The following CCDC117 variants were observed in gnomAD, a reference collection of about 807,000 sequenced individuals.
CCDC117 encodes coiled-coil domain-containing protein 117.
CCDC117 carries 1 observed loss-of-function variant against 23.5 expected under a neutral mutation model. That is an observed-to-expected ratio of 0.04 (90% CI 0.02 to 0.20). The LOEUF is 0.20. Ranked by LOEUF, CCDC117 falls within the 10% of genes least tolerant of loss-of-function variation. The probability of loss-of-function intolerance (pLI) is 1.00; values close to 1 mark genes in which losing one functional copy is unlikely to be tolerated. For missense variants in CCDC117, 383 were observed against 348.2 expected (o/e 1.10, Z -0.80); for synonymous variants, 132 against 124.8 (o/e 1.06, Z -0.39).
chr22:28,779,392 G>T (rs190169358), intron 2 of CCDC117, among the ~76,000 whole-genome samples: 2 of 151,474 alleles, frequency 1.3e-5, no homozygotes, highest in African/African-American at 4.8e-5. Flanking sequence ...TTTTAGTGGA[G>T]ACGGGGTTTC....
Position 28,788,119 on chromosome 22 carries a change from C to CA in CCDC117, c.*1796dup, listed in dbSNP as rs2146258774. ...CTATACAGTAAAATTATTCAAACTTCAAACCAGTATTGAAAGCAGTTGGAA... is the reference window on the plus strand; with the variant it reads ...CTATACAGTAAAATTATTCAAACTTCAAAACCAGTATTGAAAGCAGTTGGAA... On this transcript the variant is annotated 3_prime_UTR_variant, in exon 5 of 5. Coordinates refer to ENST00000249064, the MANE Select transcript of CCDC117 (RefSeq NM_173510.4). 1 of 152,740 alleles carries CA rather than the reference C, an allele frequency of 6.5e-6. No homozygotes were observed. Among genetic ancestry groups the CA allele is most frequent in the African/African-American group, 2.4e-5 (1 of 41,570 alleles). The allele number at this position is 152,740 out of a possible 1,614,324, so 9.5% of individuals were successfully genotyped here.
chr22:28,782,666 G>A (rs1036116100), intron 3 of CCDC117, among the ~76,000 whole-genome samples: 11 of 151,842 alleles, frequency 7.2e-5, no homozygotes, highest in Non-Finnish European at 1.0e-4. Context: ...CTCGAACTCC[G>A]GACCTTGTGG....
chr22:28,774,021 G>A (rs1485157200), intron 2 of CCDC117, among the ~76,000 whole-genome samples: 1 of 152,004 alleles, frequency 6.6e-6, no homozygotes, highest in Non-Finnish European at 1.5e-5. Flanking sequence ...AATATTACAT[G>A]CACAAAGTAA....
At chr22:28,780,835 A>G (rs2031293807) in intron 2 of CCDC117, 113 bp from the exon 3 acceptor site, 4 of 715,712 alleles carry the variant, frequency 5.6e-6, no homozygotes, top group Non-Finnish European at 7.0e-6. Context: ...GTTACTACAC[A>G]CTTGTCAAAA....
chr22:28,774,158 C>T (rs1038991476), intron 2 of CCDC117, among the ~76,000 whole-genome samples: 35 of 150,210 alleles, frequency 2.3e-4, no homozygotes, highest in Non-Finnish European at 4.1e-4. Flanking sequence ...ATCTCCGCCT[C>T]CCGGCTTCAT....
Position 28,786,404 on chromosome 22 carries a change from G to A in CCDC117, c.*78G>A. The A allele has an allele frequency of 3.0e-6, 3 of 990,292 alleles. No homozygotes were observed. The highest frequency in any genetic ancestry group is 3.2e-5 in the African/African-American group (2 of 61,624). 61.3% of individuals were successfully genotyped at this position (990,292 alleles called of 1,614,324 possible). A position where few individuals can be genotyped will look rare whatever the true frequency, so the allele number is the denominator to read the frequency against. ...TTATGAGACTCTTTGCATAGTATAGGGACTTGAAAGTTTTATGAGACGGGT... is the reference window on the plus strand; with the variant it reads ...TTATGAGACTCTTTGCATAGTATAGAGACTTGAAAGTTTTATGAGACGGGT... On this transcript the variant is annotated 3_prime_UTR_variant, in exon 5 of 5. Transcript: ENST00000249064.
At chr22:28,780,864 C>A (rs535955704) in intron 2 of CCDC117, 84 bp from the exon 3 acceptor site, 7 of 1,038,410 alleles carry the variant, frequency 6.7e-6, no homozygotes, top group Non-Finnish European at 9.8e-6. Flanking sequence ...TTTTTAAATA[C>A]AAAAACTTGA....
Position 28,772,913 on chromosome 22 carries a change from C to T in CCDC117, c.64C>T (p.Pro22Ser), listed in dbSNP as rs944134958. The T allele has an allele frequency of 4.9e-6, 6 of 1,228,524 alleles. No individual in the cohort carries two copies. The highest frequency in any genetic ancestry group is 3.2e-5 in the East Asian group (1 of 30,820). 76.1% of individuals were successfully genotyped at this position (1,228,524 alleles called of 1,614,324 possible). A position where few individuals can be genotyped will look rare whatever the true frequency, so the allele number is the denominator to read the frequency against. The change falls in exon 1 of 5, where the codon CCG becomes TCG. Residue 22 changes from proline (P) to serine (S), a missense_variant. Coordinates refer to ENST00000249064, the MANE Select transcript of CCDC117 (RefSeq NM_173510.4). The part of the protein sequence containing the change: ...PLSGGSDFLQ[P>S]PQPAFPGRAF... Reference sequence around the variant, plus strand: ...GAGCGGCGGCTCGGACTTCCTGCAGCCGCCGCAGCCGGCCTTCCCCGGCCG... The same window carrying T: ...GAGCGGCGGCTCGGACTTCCTGCAGTCGCCGCAGCCGGCCTTCCCCGGCCG...
intron 2 of CCDC117, among the ~76,000 whole-genome samples, chr22:28,779,286 C>T (rs6005878): frequency 0.12 from 17,686 of 151,982 alleles, 1,514 homozygotes; most frequent in East Asian, 0.28. Flanking sequence ...ACTGCAACCT[C>T]CCCCCTCCTG....
At position 28,772,870 on chromosome 22, in the gene CCDC117, C is replaced by A; in HGVS notation, c.21C>A (p.Pro7=). 1 of 1,236,574 alleles carries A rather than the reference C, an allele frequency of 8.1e-7. No homozygotes were observed. The highest frequency in any genetic ancestry group is 3.5e-5 in the South Asian group (1 of 28,270). The allele number at this position is 1,236,574 out of a possible 1,614,324, so 76.6% of individuals were successfully genotyped here. The change falls in exon 1 of 5, where the codon CCC becomes CCA. Residue 7 remains proline (P), a synonymous_variant. Transcript: ENST00000249064. MAALGR[P]FSGLPLSGGS... Reference sequence around the variant, plus strand: ...CGGCTATGGCTGCGCTCGGCCGGCCCTTCAGCGGCCTCCCTCTGAGCGGCG... The same window carrying A: ...CGGCTATGGCTGCGCTCGGCCGGCCATTCAGCGGCCTCCCTCTGAGCGGCG...
At chr22:28,780,344 T>A (rs2031282214) in intron 2 of CCDC117, among the ~76,000 whole-genome samples, 1 of 152,168 alleles carries the variant, frequency 6.6e-6, no homozygotes, top group Non-Finnish European at 1.5e-5. Flanking sequence ...ATTAATACTT[T>A]GAACAAACCT....
chr22:28,782,746 A>G (rs1183103571), intron 3 of CCDC117, among the ~76,000 whole-genome samples: 1 of 151,852 alleles, frequency 6.6e-6, no homozygotes, highest in Non-Finnish European at 1.5e-5. Context: ...CTTTTTTTGT[A>G]TATTTAGTAG....
At chr22:28,774,161 G>A (rs894718176) in intron 2 of CCDC117, among the ~76,000 whole-genome samples, 4 of 146,888 alleles carry the variant, frequency 2.7e-5, no homozygotes, top group African/African-American at 7.5e-5. Context: ...TCCGCCTCCC[G>A]GCTTCATGCC....
At chr22:28,783,721 G>A in intron 4 of CCDC117, 76 bp downstream of exon 4, 2 of 1,365,092 alleles carry the variant, frequency 1.5e-6, no homozygotes, top group Non-Finnish European at 2.1e-6. Context: ...TGCCCACCCT[G>A]TCCTCATTAG....
intron 2 of CCDC117, among the ~76,000 whole-genome samples, chr22:28,780,732 C>G (rs1019368256): frequency 2.6e-5 from 4 of 152,170 alleles, no homozygotes; most frequent in Non-Finnish European, 4.4e-5. Flanking sequence ...CAGAATCTTA[C>G]AGGTGCATCT....
rs1485291646 is a variant in CCDC117, at chr22:28,781,602, C to T, written c.464+430C>T. On this transcript the variant is annotated intron_variant, in intron 3 of 4. Transcript: ENST00000249064. ...TCTTGACCTCGTGATCCGCCCGCCT[C>T]GGCCTCCCAAAGTGCTGGGATTACA... Among the ~76,000 whole-genome samples, 5 of 53,958 alleles carry T rather than the reference C, an allele frequency of 9.3e-5. 2 individuals are homozygous for T. Among genetic ancestry groups the T allele is most frequent in the African/African-American group, 3.9e-4 (2 of 5,176 alleles). 35.4% of individuals were successfully genotyped at this position (53,958 alleles called of 152,430 possible).
In CCDC117 at chr22:28,781,346, T is replaced by G. The variant is rs1487849409; in HGVS notation, c.464+174T>G. 1.1e-3 allele frequency among the ~76,000 whole-genome samples: 11 copies of G among 9,744 alleles called. 4 individuals carry two copies. In the South Asian group the frequency reaches 0.02, roughly 17 times the overall value. 6.4% of individuals were successfully genotyped at this position (9,744 alleles called of 152,430 possible). On this transcript the variant is annotated intron_variant, in intron 3 of 4. Transcript: ENST00000249064. ...TGTTTTTTTGTTTTGTTTTTTTTTT[T>G]TTTTTTTTTTTTTTTTTTTTTTGAG...
intron 2 of CCDC117, among the ~76,000 whole-genome samples, chr22:28,778,036 A>G (rs1266482159): frequency 6.6e-6 from 1 of 150,896 alleles, no homozygotes; most frequent in Non-Finnish European, 1.5e-5. Flanking sequence ...TAGTAAAGGC[A>G]GGGTTTCACC....
chr22:28,787,680 C>T lies in CCDC117; in HGVS notation c.*1354C>T, dbSNP rs1302128318. 6.6e-6 allele frequency: 1 copy of T among 152,464 alleles called. No homozygotes were observed. The highest frequency in any genetic ancestry group is 2.4e-5 in the African/African-American group (1 of 41,408). The allele number at this position is 152,464 out of a possible 1,614,324, so 9.4% of individuals were successfully genotyped here. ...GCCAGGTTTGAAATTTTTAGTTTCT[C>T]AGGAAGAGCTCTTCTATGTGGCAGG... On this transcript the variant is annotated 3_prime_UTR_variant, in exon 5 of 5. Coordinates refer to ENST00000249064, the MANE Select transcript of CCDC117 (RefSeq NM_173510.4).
Sources: allele counts gnomAD v4.1 joint callset (sites outside exome capture counted in the v4.1 genomes callset), GRCh38; gene constraint gnomAD v4.1.1; transcripts MANE v1.5; gene names NCBI Gene and HGNC (gene_info 2026-07-23, HGNC 2026-07-21).